Variants in EFEMP2 observed in about 807,000 individuals in gnomAD.
The protein encoded by EFEMP2 is EGF-containing fibulin-like extracellular matrix protein 2.
EFEMP2 carries 21 observed loss-of-function variants against 55.3 expected under a neutral mutation model. The observed-to-expected ratio is 0.38, with a 90% CI of 0.27 to 0.55. The LOEUF (loss-of-function observed/expected upper bound fraction) is 0.55, where lower values mean the gene tolerates loss of function less well. EFEMP2 is among the 20% of genes least tolerant of loss of function. EFEMP2 has a pLI of 0.77. For synonymous variants in EFEMP2, 275 were observed against 242.3 expected, an observed-to-expected ratio of 1.14 and a Z score of -1.25; for missense variants, 513 against 615.1, an observed-to-expected ratio of 0.83 and a Z score of 1.76.
intron 10 of EFEMP2, chr11:65,867,394 A>C (rs1191930385): frequency 4.0e-6 from 2 of 495,606 alleles, no homozygotes; most frequent in Non-Finnish European, 7.4e-6. Flanking sequence ...CAAAGTGAGC[A>C]GACTCCCTTC....
rs1859885703 is a variant in EFEMP2, at chr11:65,867,893, C to T, written c.1138G>A (p.Ala380Thr). ...PGAYNAFQIR[A>T]GNSQGDFYIR... ...TAAAAGTCCCCCTGCGAGTTTCCAG[C>T]ACGGATCTGAAAGGCATTGTAGGCA... is the stretch of plus-strand genomic sequence containing the variant. Residue 380 changes from alanine (A) to threonine (T), a missense_variant, in exon 10 of 11, where the codon GCT (alanine) becomes ACT (threonine). Coordinates refer to ENST00000307998, the MANE Select transcript of EFEMP2 (RefSeq NM_016938.5). 1.2e-6 allele frequency: 2 copies of T among 1,614,122 alleles called. No homozygotes were observed. Among genetic ancestry groups the T allele is most frequent in the Non-Finnish European group, 1.7e-6 (2 of 1,180,036 alleles).
At chr11:65,869,777 A>G in intron 7 of EFEMP2, 80 bp downstream of exon 7, 2 of 1,599,078 alleles carry the variant, frequency 1.3e-6, no homozygotes, top group Non-Finnish European at 1.7e-6. Flanking sequence ...CCTCAAATGG[A>G]GAACTGTGTG....
In EFEMP2 at chr11:65,866,670, G is replaced by C; in HGVS notation, c.*248C>G. On this transcript the variant is annotated 3_prime_UTR_variant, in exon 11 of 11. Coordinates refer to ENST00000307998, the MANE Select transcript of EFEMP2 (RefSeq NM_016938.5). ...TCTCCTCTCGGGGTGACTGAAGCTC[G>C]TGGTGCAGAGCTCCCAGCTCCTGTC... The C allele has an allele frequency of 1.4e-6, 1 of 704,546 alleles. No individual in the cohort carries two copies. The highest frequency in any genetic ancestry group is 2.6e-6 in the Non-Finnish European group (1 of 386,428). The allele number at this position is 704,546 out of a possible 1,614,324, so 43.6% of individuals were successfully genotyped here. A position where few individuals can be genotyped will look rare whatever the true frequency, so the allele number is the denominator to read the frequency against.
chr11:65,870,676 C>T lies in EFEMP2; in HGVS notation c.368-18G>A, dbSNP rs80047413. On this transcript the variant is annotated intron_variant, in intron 4 of 10. Coordinates refer to ENST00000307998, the MANE Select transcript of EFEMP2 (RefSeq NM_016938.5). ...GTCCACATCTGCGAGAGACACCACT[C>T]AGCCCCTGCCTGGGATCCCGCACAC... 6.6e-4 allele frequency: 1,058 copies of T among 1,613,900 alleles called. 8 individuals carry two copies. The African/African-American group carries it at 0.011, about 17-fold the overall frequency.
chr11:65,867,470 C>T (rs557309284), intron 10 of EFEMP2: 48 of 427,324 alleles, frequency 1.1e-4, no homozygotes, highest in African/African-American at 7.6e-4. Flanking sequence ...CCTGCTGAGA[C>T]CCATGCATGC....
At chr11:65,867,415 A>G (rs2134745644) in intron 10 of EFEMP2, 1 of 453,446 alleles carries the variant, frequency 2.2e-6, no homozygotes, top group East Asian at 4.4e-5. Flanking sequence ...AGAGCATTCA[A>G]TTTCAAAAAG....
In EFEMP2 at chr11:65,871,248, G is replaced by A. The variant is rs633800; in HGVS notation, c.276C>T (p.His92=). The change falls in exon 4 of 11, where the codon CAC becomes CAT. Residue 92 remains histidine (H), a synonymous_variant. Coordinates refer to ENST00000307998, the MANE Select transcript of EFEMP2 (RefSeq NM_016938.5). The stretch of plus-strand genomic sequence containing the variant: ...GCACTGGTGGCGGGGGTCCCTCGCC[G>A]TGTAGGTCGTTGATGACGGCAGCGG... ...PRSAAVINDL[H]GEGPPPPVPP... is the part of the protein sequence containing the mutation. 0.48 allele frequency: 776,844 copies of A among 1,613,952 alleles called. 195,842 individuals carry two copies. Among genetic ancestry groups the A allele is most frequent in the Middle Eastern group, 0.58 (3,545 of 6,062 alleles).
In EFEMP2 at chr11:65,866,526, A is replaced by G; in HGVS notation, c.*392T>C. 1.4e-6 allele frequency: 1 copy of G among 702,896 alleles called. No individual in the cohort carries two copies. Among genetic ancestry groups the G allele is most frequent in the South Asian group, 1.5e-5 (1 of 67,604 alleles). The allele number at this position is 702,896 out of a possible 1,614,324, so 43.5% of individuals were successfully genotyped here. On this transcript the variant is annotated 3_prime_UTR_variant, in exon 11 of 11. Coordinates refer to ENST00000307998, the MANE Select transcript of EFEMP2 (RefSeq NM_016938.5). ...CAAATGTACAGTTTGAGGCAGAGTT[A>G]GGAATGGAACCCAGGGCCTCCTGGC...
chr11:65,867,068 G>A lies in EFEMP2; in HGVS notation c.1182C>T (p.Asn394=), dbSNP rs1466076983. The part of the protein sequence containing the change: ...QGDFYIRQIN[N]VSAMLVLARP... ...GGGCGAGGACCAGCATGGCGCTGAC[G>A]TTGTTGATTTGCTGCAGGGCAGTGG... is the stretch of plus-strand genomic sequence containing the variant. Residue 394 remains asparagine (N), a synonymous_variant, in exon 11 of 11, where the codon AAC becomes AAT. Transcript: ENST00000307998. The A allele has an allele frequency of 8.1e-6, 13 of 1,613,978 alleles. No individual in the cohort carries two copies. Among genetic ancestry groups the A allele is most frequent in the Non-Finnish European group, 1.0e-5 (12 of 1,179,998 alleles).
At chr11:65,871,635 T>TG (rs1859966690) in intron 3 of EFEMP2, 11 of 593,342 alleles carry the variant, frequency 1.9e-5, no homozygotes, top group Admixed American at 3.0e-5. Flanking sequence ...CAGCCCAAGA[T>TG]GGGGGGCCTC....
At position 65,867,921 on chromosome 11, in the gene EFEMP2, G is replaced by A. The variant is rs146180527; in HGVS notation, c.1110C>T (p.Pro370=). The change falls in exon 10 of 11, where the codon CCC becomes CCT. Residue 370 remains proline, a synonymous_variant. Transcript: ENST00000307998. The part of the protein sequence containing the change: ...VFQIQATSVY[P]GAYNAFQIRA... ...GGATCTGAAAGGCATTGTAGGCACCGGGGTAGACGGAGGTCGCCTGGATCT... is the reference window on the plus strand; with the variant it reads ...GGATCTGAAAGGCATTGTAGGCACCAGGGTAGACGGAGGTCGCCTGGATCT... 34 of 1,614,118 alleles carry A rather than the reference G, an allele frequency of 2.1e-5. No homozygotes were observed. In the African/African-American group the frequency reaches 2.8e-4, roughly 13 times the overall value.
At chr11:65,871,425 G>A (rs779828253) in intron 3 of EFEMP2, 62 bp from the exon 4 acceptor site, 3 of 1,521,178 alleles carry the variant, frequency 2.0e-6, no homozygotes, top group Non-Finnish European at 2.7e-6. Flanking sequence ...GGGAGCGGAG[G>A]CAGGAACCCA....
Position 65,866,628 on chromosome 11 carries a change from CCCT to C in EFEMP2, c.*287_*289del. The C allele has an allele frequency of 4.3e-6, 3 of 703,252 alleles. No homozygotes were observed. The highest frequency in any genetic ancestry group is 3.5e-5 in the African/African-American group (2 of 57,326). The allele number at this position is 703,252 out of a possible 1,614,324, so 43.6% of individuals were successfully genotyped here. On this transcript the variant is annotated 3_prime_UTR_variant, in exon 11 of 11. Transcript: ENST00000307998. ...TCTCTGGGCCGGGGCCTGGAGTCCG[CCCT>C]CCTCGTTACCTCCTCTCCTCTCGGG... is the stretch of plus-strand genomic sequence containing the variant.
Position 65,871,245 on chromosome 11 carries a change from G to A in EFEMP2, c.279C>T (p.Gly93=), listed in dbSNP as rs769750626. 1.3e-5 allele frequency: 21 copies of A among 1,613,930 alleles called. No homozygotes were observed. The Middle Eastern group carries it at 4.9e-4, about 38-fold the overall frequency. ...GAGGCACTGGTGGCGGGGGTCCCTC[G>A]CCGTGTAGGTCGTTGATGACGGCAG... ...RSAAVINDLH[G]EGPPPPVPPA... Residue 93 remains glycine, a synonymous_variant, in exon 4 of 11, where the codon GGC becomes GGT. Coordinates refer to ENST00000307998, the MANE Select transcript of EFEMP2 (RefSeq NM_016938.5).
intron 5 of EFEMP2, 84 bp downstream of exon 5, chr11:65,870,452 G>A: frequency 6.3e-7 from 1 of 1,594,456 alleles, no homozygotes; most frequent in Non-Finnish European, 8.6e-7. Context: ...GGTGAAGCCT[G>A]GCTTGAATGG....
intron 5 of EFEMP2, 148 bp downstream of exon 5, chr11:65,870,388 C>G: frequency 7.0e-7 from 1 of 1,438,794 alleles, no homozygotes; most frequent in Admixed American, 1.8e-5. Flanking sequence ...CCCAAACACT[C>G]CCCGCTACAG....
chr11:65,867,039 G>A lies in EFEMP2; in HGVS notation c.1211C>T (p.Pro404Leu), dbSNP rs753393039. The A allele has an allele frequency of 1.2e-6, 2 of 1,614,156 alleles. No homozygotes were observed. The highest frequency in any genetic ancestry group is 1.7e-6 in the Non-Finnish European group (2 of 1,180,032). ...CACGTACTCCCGGGGGCCCGTCACC[G>A]GCCGGGCGAGGACCAGCATGGCGCT... Reference protein sequence around the residue: ...NVSAMLVLARPVTGPREYVLD... With the variant: ...NVSAMLVLARLVTGPREYVLD... The change falls in exon 11 of 11, where the codon CCG (proline) becomes CTG (leucine). Residue 404 changes from proline to leucine, a missense_variant. Physicochemically the swap from Pro to Leu is moderately conservative, Grantham distance 98. Coordinates refer to ENST00000307998, the MANE Select transcript of EFEMP2 (RefSeq NM_016938.5).
At chr11:65,871,105 A>C in intron 4 of EFEMP2, 52 bp downstream of exon 4, 2 of 1,603,060 alleles carry the variant, frequency 1.2e-6, no homozygotes, top group South Asian at 2.2e-5. Flanking sequence ...TCTGAGTTTA[A>C]GACGCCTGGT....
chr11:65,871,729 C>T (rs1314879558), intron 3 of EFEMP2: 2 of 610,920 alleles, frequency 3.3e-6, no homozygotes, highest in Non-Finnish European at 5.8e-6. Context: ...AGAAGGCGTA[C>T]AGGATCCAGC....
Sources: allele counts gnomAD v4.1 joint callset, GRCh38; gene constraint gnomAD v4.1.1; transcripts MANE v1.5; gene names NCBI Gene and HGNC (gene_info 2026-07-23, HGNC 2026-07-21).